Variants in ACTR3C observed in about 807,000 individuals in gnomAD.
ACTR3C encodes the protein actin-related protein 3C.
A neutral mutation model predicts 26.3 loss-of-function variants in ACTR3C; 18 were observed. The observed-to-expected ratio is 0.68, with a 90% CI of 0.47 to 1.01. The LOEUF (loss-of-function observed/expected upper bound fraction) is 1.01, where lower values mean the gene tolerates loss of function less well. Ranked by LOEUF, ACTR3C falls within the 50% of genes least tolerant of loss-of-function variation. ACTR3C has a pLI of 0.00. For synonymous variants in ACTR3C, 55 were observed against 94.5 expected (o/e 0.58, Z 2.42); for missense variants, 184 against 250.7 (o/e 0.73, Z 1.80).
the ACTR3C span, among the ~76,000 whole-genome samples, chr7:150,146,846 AATTTT>A: frequency 6.6e-6 from 1 of 152,236 alleles, no homozygotes; most frequent in Non-Finnish European, 1.5e-5. Flanking sequence ...TAATAAAATA[AATTTT>A]ATTTTGAGCA....
the ACTR3C span, among the ~76,000 whole-genome samples, chr7:150,029,419 AAAC>A: frequency 0.1 from 1,630 of 16,358 alleles, 73 homozygotes; most frequent in African/African-American, 0.21. Flanking sequence ...AAAAAAAAAC[AAAC>A]AAAAAAAAAC....
At chr7:150,048,705 C>G in the ACTR3C span, among the ~76,000 whole-genome samples, 1 of 152,136 alleles carries the variant, frequency 6.6e-6, no homozygotes, top group Non-Finnish European at 1.5e-5. Context: ...TCTTGCCTAA[C>G]TTGAAGCAAC....
At chr7:149,953,636 G>T in the ACTR3C span, among the ~76,000 whole-genome samples, 1 of 152,112 alleles carries the variant, frequency 6.6e-6, no homozygotes, top group South Asian at 2.1e-4. Flanking sequence ...GACTTATCTG[G>T]CAATCCGCAA....
chr7:150,203,865 C>T, the ACTR3C span, among the ~76,000 whole-genome samples: 1 of 152,210 alleles, frequency 6.6e-6, no homozygotes, highest in African/African-American at 2.4e-5. Context: ...CCACACCACA[C>T]CCGGCCCGGG....
chr7:150,008,396 G>A, the ACTR3C span, among the ~76,000 whole-genome samples: 6 of 152,214 alleles, frequency 3.9e-5, no homozygotes, highest in Admixed American at 6.5e-5. Context: ...CACTCCAGCC[G>A]GAGCCGCACG....
chr7:149,908,860 C>T, the ACTR3C span, among the ~76,000 whole-genome samples: 1 of 151,818 alleles, frequency 6.6e-6, no homozygotes, highest in South Asian at 2.1e-4. Flanking sequence ...CGGCTCACTG[C>T]AACCTCCACC....
the ACTR3C span, among the ~76,000 whole-genome samples, chr7:149,998,458 C>T: frequency 2.3e-4 from 35 of 149,592 alleles, 1 homozygote; most frequent in Non-Finnish European, 7.4e-5. Flanking sequence ...GTTTAATTGA[C>T]TCACAGTTCA....
At chr7:149,919,993 G>C in the ACTR3C span, among the ~76,000 whole-genome samples, 2 of 142,306 alleles carry the variant, frequency 1.4e-5, no homozygotes, top group Non-Finnish European at 3.0e-5. Context: ...GCTATGGCAT[G>C]TTATCATTGT....
At chr7:150,039,799 C>G in the ACTR3C span, among the ~76,000 whole-genome samples, 2 of 131,966 alleles carry the variant, frequency 1.5e-5, no homozygotes, top group South Asian at 2.4e-4. Flanking sequence ...GGGACTGGCT[C>G]TCAGTCCCTG....
the ACTR3C span, among the ~76,000 whole-genome samples, chr7:150,083,863 G>A: frequency 6.6e-6 from 1 of 152,306 alleles, no homozygotes; most frequent in South Asian, 2.1e-4. Flanking sequence ...TGTGTAGAAA[G>A]GGAAACACTT....
At chr7:150,073,500 A>G in the ACTR3C span, 1 of 148,556 alleles carries the variant, frequency 6.7e-6, no homozygotes, top group Non-Finnish European at 1.5e-5. Context: ...TATTAAATTC[A>G]TATTTTTTAA....
At chr7:149,881,491 A>C in the ACTR3C span, 1 of 153,074 alleles carries the variant, frequency 6.5e-6, no homozygotes, top group Non-Finnish European at 1.5e-5. Context: ...CAGGTCTGAG[A>C]GTGGCTGTGG....
chr7:149,921,057 A>G, the ACTR3C span, among the ~76,000 whole-genome samples: 1 of 152,188 alleles, frequency 6.6e-6, no homozygotes, highest in Non-Finnish European at 1.5e-5. Flanking sequence ...TGCCCGGCCT[A>G]TCTTTCAGGT....
At chr7:150,070,329 C>G in the ACTR3C span, among the ~76,000 whole-genome samples, 1 of 152,170 alleles carries the variant, frequency 6.6e-6, no homozygotes, top group Non-Finnish European at 1.5e-5. Flanking sequence ...TTCCACGGCA[C>G]TGGACAAAGG....
chr7:149,946,302 G>C, the ACTR3C span, among the ~76,000 whole-genome samples: 3 of 152,182 alleles, frequency 2.0e-5, no homozygotes, highest in African/African-American at 4.8e-5. Flanking sequence ...ACCATAAGAT[G>C]CCCATTCTTT....
chr7:150,239,503 GCTCGCTCTCT>G (rs1277262915), downstream of ACTR3C, among the ~76,000 whole-genome samples: 284 of 96,244 alleles, frequency 3.0e-3, 12 homozygotes, highest in African/African-American at 0.013. Context: ...CATAAAAGTT[GCTCGCTCTCT>G]CTCTCTCTCT....
the ACTR3C span, among the ~76,000 whole-genome samples, chr7:150,219,082 C>G: frequency 6.6e-6 from 1 of 151,260 alleles, no homozygotes; most frequent in African/African-American, 2.5e-5. Context: ...ACCTTAAATC[C>G]TCATCTTACA....
At chr7:150,147,707 T>C in the ACTR3C span, among the ~76,000 whole-genome samples, 1 of 152,168 alleles carries the variant, frequency 6.6e-6, no homozygotes, top group African/African-American at 2.4e-5. Flanking sequence ...GCAGCAGTCA[T>C]GATGTGTGTG....
chr7:150,186,064 C>T, the ACTR3C span, among the ~76,000 whole-genome samples: 1 of 152,104 alleles, frequency 6.6e-6, no homozygotes, highest in Non-Finnish European at 1.5e-5. Flanking sequence ...GGAGGTCAGT[C>T]CAGAGCTGGT....
Sources: gnomAD v4.1 joint callset for allele counts (sites outside exome capture counted in the v4.1 genomes callset) on GRCh38, gnomAD v4.1.1 for gene constraint, MANE v1.5 for transcripts, NCBI Gene and HGNC (gene_info 2026-07-23, HGNC 2026-07-21) for gene names.